Variants in PDE4B observed in about 807,000 individuals in gnomAD.
PDE4B encodes the protein phosphodiesterase 4B.
Under a neutral mutation model 82.2 loss-of-function variants are expected in PDE4B, and 20 were observed. The ratio of observed to expected loss-of-function variants is 0.24; its 90% CI spans 0.17 to 0.35. The LOEUF (loss-of-function observed/expected upper bound fraction) is 0.35. Ranked by LOEUF, PDE4B falls within the 10% of genes least tolerant of loss-of-function variation. The pLI is 1.00. For missense variants in PDE4B, 655 were observed against 907.2 expected (o/e 0.72, Z 3.57); for synonymous variants, 320 against 318.9 (o/e 1.00, Z -0.04).
chr1:66,116,298 G>T (rs1252766815), intron 3 of PDE4B, among the ~76,000 whole-genome samples: 3 of 151,922 alleles, frequency 2.0e-5, no homozygotes, highest in East Asian at 1.9e-4. Flanking sequence ...TTTAGGAAAG[G>T]GTCCATTAAA....
chr1:66,367,259 G>T (rs374164004), intron 13 of PDE4B, among the ~76,000 whole-genome samples: 2 of 152,118 alleles, frequency 1.3e-5, no homozygotes, highest in African/African-American at 4.8e-5. Context: ...CACAATTGCC[G>T]GAGATTAGGG....
At chr1:66,237,353 G>A (rs1652537442) in intron 3 of PDE4B, among the ~76,000 whole-genome samples, 1 of 152,170 alleles carries the variant, frequency 6.6e-6, no homozygotes. Flanking sequence ...AAACCATAAT[G>A]CCATTCCTTC....
intron 8 of PDE4B, among the ~76,000 whole-genome samples, chr1:66,340,511 T>A (rs928946525): frequency 1.3e-5 from 2 of 152,158 alleles, no homozygotes; most frequent in African/African-American, 4.8e-5. Context: ...CCCCAAAGAT[T>A]GAAGTTTAGT....
chr1:65,839,039 G>A (rs904338344), intron 1 of PDE4B, among the ~76,000 whole-genome samples: 1 of 152,100 alleles, frequency 6.6e-6, no homozygotes, highest in Non-Finnish European at 1.5e-5. Context: ...GTAACTTGTG[G>A]CTTGTGCAGT....
At position 65,800,988 on chromosome 1, in the gene PDE4B, A is replaced by C. The variant is rs553463492; in HGVS notation, c.-71+7740A>C. 1.3e-3 allele frequency among the ~76,000 whole-genome samples: 204 copies of C among 152,332 alleles called. 1 individual carries two copies. Among genetic ancestry groups the C allele is most frequent in the African/African-American group, 4.8e-3 (198 of 41,574 alleles). On this transcript the variant is annotated intron_variant, in intron 1 of 16. Coordinates refer to ENST00000341517, the MANE Select transcript of PDE4B (RefSeq NM_002600.4). ...TCTCTCTCATCTTCCTCTGCTATAC[A>C]AGTTGGAAAGCAAAACATTCAATTT... is the stretch of plus-strand genomic sequence containing the variant.
At chr1:66,288,563 G>T (rs1656847699) in intron 7 of PDE4B, among the ~76,000 whole-genome samples, 1 of 152,114 alleles carries the variant, frequency 6.6e-6, no homozygotes. Flanking sequence ...AAATGTTAAA[G>T]AACGTGAAGT....
rs1016710642 is a variant in PDE4B, at chr1:66,009,503, T to G, written c.281+90668T>G. On this transcript the variant is annotated intron_variant, in intron 3 of 16. Transcript: ENST00000341517. ...ACAACATCCTATTTCACTCAGAGTA[T>G]GGGTCAATGTGCATGTACCATGCCT... is the stretch of plus-strand genomic sequence containing the variant. Among the ~76,000 whole-genome samples the G allele has an allele frequency of 2.6e-5, 4 of 152,158 alleles. No individual in the cohort carries two copies. In the South Asian group the frequency reaches 6.2e-4, roughly 24 times the overall value.
intron 3 of PDE4B, among the ~76,000 whole-genome samples, chr1:66,176,308 C>A (rs1161617296): frequency 2.0e-5 from 3 of 152,234 alleles, no homozygotes; most frequent in Non-Finnish European, 4.4e-5. Flanking sequence ...ACAGATCTAA[C>A]ACAGCATGGG....
At chr1:66,178,317 A>G (rs1411366002) in intron 3 of PDE4B, among the ~76,000 whole-genome samples, 2 of 152,140 alleles carry the variant, frequency 1.3e-5, no homozygotes, top group African/African-American at 4.8e-5. Flanking sequence ...CCTGTATTGC[A>G]TATTAAAAAC....
chr1:66,147,998 TG>T (rs1327441035), intron 3 of PDE4B, among the ~76,000 whole-genome samples: 1 of 152,120 alleles, frequency 6.6e-6, no homozygotes, highest in Non-Finnish European at 1.5e-5. Flanking sequence ...GGGCCAGGCA[TG>T]GTGGCTTATG....
intron 3 of PDE4B, among the ~76,000 whole-genome samples, chr1:65,958,733 T>TAC (rs71058438): frequency 0.8 from 119,492 of 149,640 alleles, 47,890 homozygotes; most frequent in East Asian, 0.88. Flanking sequence ...TATAATGTGA[T>TAC]ACACACACAC....
intron 3 of PDE4B, among the ~76,000 whole-genome samples, chr1:66,039,272 CTGTCT>C (rs1557516933): frequency 6.6e-6 from 1 of 152,054 alleles, no homozygotes; most frequent in Non-Finnish European, 1.5e-5. Context: ...CACAGGTAGC[CTGTCT>C]TGTTGCTTTT....
intron 16 of PDE4B, among the ~76,000 whole-genome samples, chr1:66,371,427 C>T (rs942775258): frequency 2.6e-5 from 4 of 151,930 alleles, no homozygotes; most frequent in Non-Finnish European, 5.9e-5. Flanking sequence ...CCTGTTTGTC[C>T]AACAATGAGG....
chr1:66,169,097 T>C (rs185894737), intron 3 of PDE4B, among the ~76,000 whole-genome samples: 1 of 152,334 alleles, frequency 6.6e-6, no homozygotes, highest in Admixed American at 6.5e-5. Flanking sequence ...CAAACCAATC[T>C]TTTTCAGTAT....
intron 3 of PDE4B, among the ~76,000 whole-genome samples, chr1:65,955,728 G>T (rs1277111559): frequency 6.6e-6 from 1 of 152,070 alleles, no homozygotes; most frequent in Admixed American, 6.6e-5. Context: ...CCTGGGGAAG[G>T]TGCCCCAATT....
intron 3 of PDE4B, among the ~76,000 whole-genome samples, chr1:66,096,508 T>TCATATACA: frequency 9.3e-6 from 1 of 107,320 alleles, no homozygotes; most frequent in African/African-American, 3.4e-5. Flanking sequence ...GTAAAAAAAA[T>TCATATACA]TATATATATA....
At chr1:66,264,677 T>A (rs1023426715) in intron 6 of PDE4B, among the ~76,000 whole-genome samples, 2 of 152,106 alleles carry the variant, frequency 1.3e-5, no homozygotes, top group Admixed American at 6.5e-5. Context: ...GGCTACTAGG[T>A]ATGGGTACCT....
At chr1:66,167,949 C>G (rs1379674644) in intron 3 of PDE4B, among the ~76,000 whole-genome samples, 1 of 152,198 alleles carries the variant, frequency 6.6e-6, no homozygotes, top group Non-Finnish European at 1.5e-5. Context: ...ATGCCTCTCT[C>G]TTTTCTGTTC....
intron 1 of PDE4B, among the ~76,000 whole-genome samples, chr1:65,842,214 C>CA (rs1162777635): frequency 6.6e-6 from 1 of 151,470 alleles, no homozygotes; most frequent in Non-Finnish European, 1.5e-5. Context: ...TTGCCAGACA[C>CA]AAAAAAACAC....
Sources: gnomAD v4.1 joint callset for allele counts (sites outside exome capture counted in the v4.1 genomes callset) on GRCh38, gnomAD v4.1.1 for gene constraint, MANE v1.5 for transcripts, NCBI Gene and HGNC (gene_info 2026-07-23, HGNC 2026-07-21) for gene names.